The following STK3 variants were observed in gnomAD, a reference collection of about 807,000 sequenced individuals.
STK3 encodes the protein serine/threonine-protein kinase 3.
Under a neutral mutation model 58.0 loss-of-function variants are expected in STK3, and 41 were observed. The ratio of observed to expected loss-of-function variants is 0.71; its 90% CI spans 0.55 to 0.92. The LOEUF (loss-of-function observed/expected upper bound fraction) is 0.92. Among genes scored for constraint, STK3 ranks in the 40% least tolerant of loss-of-function variants. The pLI, the probability that STK3 is intolerant of heterozygous loss-of-function variation, is 0.00. For synonymous variants in STK3, 170 were observed against 191.0 expected (o/e 0.89, Z 0.91); for missense variants, 479 against 602.7 (o/e 0.79, Z 2.15).
upstream of STK3, among the ~76,000 whole-genome samples, chr8:98,392,542 C>T (rs144238529): frequency 3.4e-4 from 52 of 152,310 alleles, no homozygotes; most frequent in African/African-American, 1.2e-3. Context: ...ATTTCAGTGT[C>T]CTCTGGGACC....
intron 3 of STK3, among the ~76,000 whole-genome samples, chr8:98,856,565 C>T (rs955383726): frequency 6.6e-6 from 1 of 152,082 alleles, no homozygotes; most frequent in Non-Finnish European, 1.5e-5. Context: ...TAAGTGTTAG[C>T]GAAGACGTGG....
chr8:98,891,305 A>G (rs1838190852), intron 1 of STK3, among the ~76,000 whole-genome samples: 1 of 152,268 alleles, frequency 6.6e-6, no homozygotes, highest in Non-Finnish European at 1.5e-5. Context: ...TTTAAGGCAG[A>G]CCAGGTGCAC....
At chr8:98,768,836 T>G (rs1050314536) in intron 2 of STK3, among the ~76,000 whole-genome samples, 49 of 152,242 alleles carry the variant, frequency 3.2e-4, no homozygotes, top group African/African-American at 9.6e-4. Flanking sequence ...TTGTAGCAGA[T>G]GGACTGACAG....
At chr8:98,645,919 C>T (rs111812185) in intron 6 of STK3, among the ~76,000 whole-genome samples, 2,668 of 152,244 alleles carry the variant, frequency 0.018, 74 homozygotes, top group African/African-American at 0.061. Flanking sequence ...CCACCCACCT[C>T]GAACTCCCAA....
At chr8:98,695,049 G>T (rs1386532111) in intron 6 of STK3, among the ~76,000 whole-genome samples, 1 of 152,138 alleles carries the variant, frequency 6.6e-6, no homozygotes, top group East Asian at 1.9e-4. Flanking sequence ...CATTCTAACT[G>T]GTGTGAGATG....
the STK3 span, among the ~76,000 whole-genome samples, chr8:98,353,392 G>T: frequency 6.6e-6 from 1 of 152,196 alleles, no homozygotes; most frequent in Non-Finnish European, 1.5e-5. Flanking sequence ...TTGGGAGGCT[G>T]AGGCGGGAGG....
At chr8:98,709,944 T>C (rs1227489857) in intron 4 of STK3, among the ~76,000 whole-genome samples, 1 of 151,864 alleles carries the variant, frequency 6.6e-6, no homozygotes, top group African/African-American at 2.4e-5. Flanking sequence ...TTTAAAGTAA[T>C]GGCAAAAACC....
rs905029369 is a variant in STK3, at chr8:98,638,034, G to A, written c.685-41865C>T. Among the ~76,000 whole-genome samples, 16 of 152,154 alleles carry A rather than the reference G, an allele frequency of 1.1e-4. No individual in the cohort carries two copies. The South Asian group carries it at 2.7e-3, about 26-fold the overall frequency. ...TCTCTACTCATGCTACTTTAGGTGTGTTTCTAGAAATAAATACTAAACTCT... is the reference window on the plus strand; with the variant it reads ...TCTCTACTCATGCTACTTTAGGTGTATTTCTAGAAATAAATACTAAACTCT... On this transcript the variant is annotated intron_variant, in intron 6 of 10. Coordinates refer to ENST00000419617, the MANE Select transcript of STK3 (RefSeq NM_006281.4).
At chr8:98,632,292 G>C (rs1294098440) in intron 6 of STK3, among the ~76,000 whole-genome samples, 2 of 152,110 alleles carry the variant, frequency 1.3e-5, no homozygotes, top group Non-Finnish European at 2.9e-5. Context: ...TGAGAGATTG[G>C]CGACCATGTG....
chr8:98,513,298 G>A (rs1311645353), intron 10 of STK3, among the ~76,000 whole-genome samples: 1 of 152,132 alleles, frequency 6.6e-6, no homozygotes, highest in Non-Finnish European at 1.5e-5. Flanking sequence ...CTACATAAGA[G>A]GGCAAGGGTA....
intron 1 of STK3, among the ~76,000 whole-genome samples, chr8:98,812,280 T>G (rs1408824163): frequency 1.3e-5 from 2 of 152,190 alleles, no homozygotes; most frequent in African/African-American, 4.8e-5. Flanking sequence ...GTGTTTCTCA[T>G]GAAAAAATGT....
intron 8 of STK3, among the ~76,000 whole-genome samples, chr8:98,578,775 AT>A (rs752982183): frequency 1.6e-4 from 24 of 152,342 alleles, no homozygotes; most frequent in Admixed American, 3.9e-4. Flanking sequence ...ACCAAGGGTT[AT>A]TCTCCTCTAT....
chr8:98,580,614 T>C (rs1184250272), intron 7 of STK3, among the ~76,000 whole-genome samples: 2 of 152,202 alleles, frequency 1.3e-5, no homozygotes, highest in Non-Finnish European at 2.9e-5. Context: ...GTGAGTTATT[T>C]GTTTATTTGT....
chr8:98,438,914 G>A (rs1818593626), intron 1 of STK3: 1 of 152,412 alleles, frequency 6.6e-6, no homozygotes, highest in Non-Finnish European at 1.5e-5. Flanking sequence ...CTGTGAACAT[G>A]GGGGTGGAAT....
chr8:98,527,479 G>A (rs1427011472), intron 9 of STK3, among the ~76,000 whole-genome samples: 1 of 151,986 alleles, frequency 6.6e-6, no homozygotes, highest in Non-Finnish European at 1.5e-5. Flanking sequence ...AATTAGCCAG[G>A]TGTGGTGGCA....
intron 3 of STK3, among the ~76,000 whole-genome samples, chr8:98,411,082 C>T (rs578177117): frequency 1.1e-4 from 17 of 152,226 alleles, no homozygotes; most frequent in African/African-American, 3.6e-4. Context: ...CATTTGTACA[C>T]GCCTACTAAG....
At chr8:98,570,785 G>A (rs1398276997) in intron 8 of STK3, among the ~76,000 whole-genome samples, 1 of 152,186 alleles carries the variant, frequency 6.6e-6, no homozygotes, top group Non-Finnish European at 1.5e-5. Context: ...TTCTAGGTGT[G>A]TATATATGTA....
At chr8:98,578,193 A>G (rs796421840) in intron 8 of STK3, among the ~76,000 whole-genome samples, 3 of 152,348 alleles carry the variant, frequency 2.0e-5, no homozygotes, top group African/African-American at 4.8e-5. Context: ...TGTATCTATC[A>G]TCACACAGGA....
Position 98,774,731 on chromosome 8 carries a change from G to T in STK3, c.107+8C>A, listed in dbSNP as rs1168096006. 1.3e-6 allele frequency: 2 copies of T among 1,563,498 alleles called. No homozygotes were observed. Among genetic ancestry groups the T allele is most frequent in the African/African-American group, 1.4e-5 (1 of 72,684 alleles). On this transcript the variant is annotated splice_region_variant and intron_variant, in intron 2 of 10. Transcript: ENST00000419617. The stretch of plus-strand genomic sequence containing the variant: ...TTATTTACATGCTTTCATACTTTTT[G>T]TACTTACCCTTCTCCAAGCTTCTCT...
Sources: allele counts gnomAD v4.1 joint callset (sites outside exome capture counted in the v4.1 genomes callset), GRCh38; gene constraint gnomAD v4.1.1; transcripts MANE v1.5; gene names NCBI Gene and HGNC (gene_info 2026-07-23, HGNC 2026-07-21).